Variants in RBMS1 observed in about 807,000 individuals in gnomAD.
RBMS1 encodes the protein RNA binding motif single stranded interacting protein 1, also known as RNA-binding motif, single-stranded-interacting protein 1.
Under a neutral mutation model 62.3 loss-of-function variants are expected in RBMS1, and 17 were observed. That is an observed-to-expected ratio of 0.27 (90% CI 0.19 to 0.41). The LOEUF is 0.41. RBMS1 is among the 10% of genes least tolerant of loss of function. RBMS1 has a pLI of 1.00. For synonymous variants in RBMS1, 172 were observed against 170.0 expected, an observed-to-expected ratio of 1.01 and a Z score of -0.09; for missense variants, 334 against 504.5, an observed-to-expected ratio of 0.66 and a Z score of 3.24.
At chr2:160,400,876 G>A (rs1380045245) in intron 1 of RBMS1, among the ~76,000 whole-genome samples, 1 of 152,054 alleles carries the variant, frequency 6.6e-6, no homozygotes, top group Non-Finnish European at 1.5e-5. Context: ...CAAAACTCAG[G>A]CATTAGAAAC....
chr2:160,461,265 G>A (rs1406355711), intron 1 of RBMS1, among the ~76,000 whole-genome samples: 5 of 152,090 alleles, frequency 3.3e-5, no homozygotes, highest in Admixed American at 3.3e-4. Flanking sequence ...AAGAGAGAGA[G>A]AGAGAGAGGG....
At chr2:160,448,504 C>T (rs998447219) in intron 1 of RBMS1, among the ~76,000 whole-genome samples, 1 of 152,366 alleles carries the variant, frequency 6.6e-6, no homozygotes, top group South Asian at 2.1e-4. Flanking sequence ...CCGTGTTGGC[C>T]GGGCTGGTCT....
chr2:160,471,691 G>GTGTGTATATATATATATATATATA (rs1275928756), intron 1 of RBMS1, among the ~76,000 whole-genome samples: 3 of 65,942 alleles, frequency 4.5e-5, no homozygotes, highest in African/African-American at 9.7e-5. Flanking sequence ...ATCCTTTGGT[G>GTGTGTATATATATATATATATATA]TATATATATA....
chr2:160,457,354 T>G (rs1346645722), intron 1 of RBMS1, among the ~76,000 whole-genome samples: 1 of 152,170 alleles, frequency 6.6e-6, no homozygotes, highest in African/African-American at 2.4e-5. Flanking sequence ...GGTCTCTAAC[T>G]CCCGACCTCA....
chr2:160,291,655 A>G (rs1036290675), intron 6 of RBMS1, among the ~76,000 whole-genome samples: 1 of 152,096 alleles, frequency 6.6e-6, no homozygotes, highest in Non-Finnish European at 1.5e-5. Context: ...TAGTGTTTCT[A>G]TCTCCAACCC....
Position 160,416,760 on chromosome 2 carries a change from C to A in RBMS1, c.76-49369G>T, listed in dbSNP as rs575109609. Among the ~76,000 whole-genome samples the A allele has an allele frequency of 2.6e-5, 4 of 152,264 alleles. No homozygotes were observed. In the South Asian group the frequency reaches 8.3e-4, roughly 32 times the overall value. On this transcript the variant is annotated intron_variant, in intron 1 of 13. Coordinates refer to ENST00000348849, the MANE Select transcript of RBMS1 (RefSeq NM_016836.4). The stretch of plus-strand genomic sequence containing the variant: ...TATACAATAATCATTATCAATAAAT[C>A]TTTCAGTAATTGAATGAATGCTACT...
At chr2:160,279,029 A>C in intron 10 of RBMS1, 1 of 166,532 alleles carries the variant, frequency 6.0e-6, no homozygotes. Context: ...CTAGGGTTAC[A>C]AAACGCTTTC....
chr2:160,335,751 T>A (rs1025920276), intron 2 of RBMS1, among the ~76,000 whole-genome samples: 2 of 152,164 alleles, frequency 1.3e-5, no homozygotes, highest in Non-Finnish European at 2.9e-5. Flanking sequence ...CTACATGTAA[T>A]GTTAACTGTT....
At chr2:160,300,278 G>A (rs1348435789) in intron 6 of RBMS1, among the ~76,000 whole-genome samples, 1 of 152,152 alleles carries the variant, frequency 6.6e-6, no homozygotes, top group African/African-American at 2.4e-5. Context: ...TGGACATAAA[G>A]GCCATAGGAA....
At chr2:160,436,919 T>C (rs114043687) in intron 1 of RBMS1, among the ~76,000 whole-genome samples, 3 of 152,112 alleles carry the variant, frequency 2.0e-5, no homozygotes, top group Admixed American at 1.3e-4. Context: ...TTGAAGACAA[T>C]GTGTTTAGCA....
At chr2:160,385,859 G>C (rs962212796) in intron 1 of RBMS1, among the ~76,000 whole-genome samples, 10 of 152,258 alleles carry the variant, frequency 6.6e-5, no homozygotes, top group Admixed American at 6.5e-4. Flanking sequence ...GCTCACAAGA[G>C]ACTCAGAATG....
chr2:160,453,452 A>G (rs1270173908), intron 1 of RBMS1, among the ~76,000 whole-genome samples: 5 of 151,972 alleles, frequency 3.3e-5, no homozygotes, highest in African/African-American at 1.2e-4. Flanking sequence ...AATTTTCTGC[A>G]TTTTCCAAAT....
chr2:160,383,377 C>T (rs1047054715), intron 1 of RBMS1, among the ~76,000 whole-genome samples: 3 of 149,930 alleles, frequency 2.0e-5, no homozygotes, highest in Non-Finnish European at 4.4e-5. Flanking sequence ...TTAATTAATT[C>T]TACCTGTAAT....
chr2:160,279,074 G>T, intron 10 of RBMS1: 1 of 161,208 alleles, frequency 6.2e-6, no homozygotes. Context: ...GGCAGTTGAT[G>T]TTTTCTCCAG....
intron 1 of RBMS1, among the ~76,000 whole-genome samples, chr2:160,452,233 C>A (rs1442687637): frequency 6.6e-6 from 1 of 152,058 alleles, no homozygotes; most frequent in Admixed American, 6.5e-5. Flanking sequence ...ATATGGAGGC[C>A]TCTGAGCTCC....
chr2:160,354,393 G>A (rs1483692501), intron 2 of RBMS1, among the ~76,000 whole-genome samples: 1 of 152,068 alleles, frequency 6.6e-6, no homozygotes, highest in Non-Finnish European at 1.5e-5. Context: ...CAGCTACACA[G>A]GGGCATTGAA....
intron 1 of RBMS1, among the ~76,000 whole-genome samples, chr2:160,406,110 A>C (rs530369654): frequency 2.7e-4 from 41 of 152,324 alleles, no homozygotes; most frequent in African/African-American, 8.4e-4. Context: ...TATTTAATTA[A>C]TTAAAGGAAA....
At chr2:160,417,422 T>C (rs1696251414) in intron 1 of RBMS1, among the ~76,000 whole-genome samples, 1 of 152,214 alleles carries the variant, frequency 6.6e-6, no homozygotes, top group African/African-American at 2.4e-5. Context: ...GACCAAATAG[T>C]TTCTCTTGAC....
At chr2:160,363,808 G>C (rs1042800804) in intron 2 of RBMS1, among the ~76,000 whole-genome samples, 1 of 152,078 alleles carries the variant, frequency 6.6e-6, no homozygotes, top group Non-Finnish European at 1.5e-5. Flanking sequence ...AGTAGAAAGA[G>C]TGGAGAATAA....
Sources: gnomAD v4.1 joint callset for allele counts (sites outside exome capture counted in the v4.1 genomes callset) on GRCh38, gnomAD v4.1.1 for gene constraint, MANE v1.5 for transcripts, NCBI Gene and HGNC (gene_info 2026-07-23, HGNC 2026-07-21) for gene names.